The following HNRNPUL2 variants were observed in gnomAD, a reference collection of about 807,000 sequenced individuals.
The protein encoded by HNRNPUL2 is heterogeneous nuclear ribonucleoprotein U like 2.
Under a neutral mutation model 102.2 loss-of-function variants are expected in HNRNPUL2, and 27 were observed. The observed-to-expected ratio is 0.26, with a 90% confidence interval of 0.19 to 0.36. The LOEUF (loss-of-function observed/expected upper bound fraction) is 0.36, where lower values mean the gene tolerates loss of function less well. Ranked by LOEUF, HNRNPUL2 falls within the 10% of genes least tolerant of loss-of-function variation. HNRNPUL2 has a pLI of 1.00. For missense variants in HNRNPUL2, 936 were observed against 981.1 expected, an observed-to-expected ratio of 0.95 and a Z score of 0.61; for synonymous variants, 458 against 387.2, an observed-to-expected ratio of 1.18 and a Z score of -2.15.
Position 62,726,707 on chromosome 11 carries a change from G to C in HNRNPUL2, c.450C>G (p.Gly150=). Residue 150 remains glycine, a synonymous_variant, in exon 1 of 14, where the codon GGC becomes GGG. Coordinates refer to ENST00000301785, the MANE Select transcript of HNRNPUL2 (RefSeq NM_001079559.3). Reference sequence around the variant, plus strand: ...CCTCGGGTTCGTCTTCCTCCCTCTTGCCGAGGCCCTGCTCTTCGCCACCAT... The same window carrying C: ...CCTCGGGTTCGTCTTCCTCCCTCTTCCCGAGGCCCTGCTCTTCGCCACCAT... ...GVNGGEEQGL[G]KREEDEPEER... 1 of 1,600,468 alleles carries C rather than the reference G, an allele frequency of 6.2e-7. No individual in the cohort carries two copies. The highest frequency in any genetic ancestry group is 8.5e-7 in the Non-Finnish European group (1 of 1,179,508).
Position 62,722,256 on chromosome 11 carries a change from T to C in HNRNPUL2, c.1220A>G (p.Asn407Ser). 6.2e-7 allele frequency: 1 copy of C among 1,614,078 alleles called. No homozygotes were observed. Among genetic ancestry groups the C allele is most frequent in the Non-Finnish European group, 8.5e-7 (1 of 1,180,022 alleles). The change falls in exon 7 of 14, where the codon AAT (asparagine) becomes AGT (serine). Residue 407 changes from asparagine (N) to serine (S), a missense_variant. By Grantham distance (46) the Asn-to-Ser change is conservative (BLOSUM62 1). Transcript: ENST00000301785. ...ACCGAAGTTTAATTCTACAACACAA[T>C]TTTTGCAGAGGACATGGGGTAGAAG... is the stretch of plus-strand genomic sequence containing the variant. ...RALLPHVLCK[N>S]CVVELNFGQK...
intron 7 of HNRNPUL2, 27 bp downstream of exon 7, chr11:62,722,090 T>G: frequency 6.2e-7 from 1 of 1,608,562 alleles, no homozygotes; most frequent in Non-Finnish European, 8.5e-7. Flanking sequence ...GCATACAACC[T>G]CAGTGTTCGT....
intron 7 of HNRNPUL2, 26 bp from the exon 8 acceptor site, chr11:62,721,968 A>G: frequency 6.2e-7 from 1 of 1,612,088 alleles, no homozygotes; most frequent in Non-Finnish European, 8.5e-7. Context: ...CCAGAAATAT[A>G]ATGAAAAATA....
chr11:62,726,482 G>A, intron 1 of HNRNPUL2, 137 bp downstream of exon 1: 1 of 865,874 alleles, frequency 1.2e-6, no homozygotes, highest in Non-Finnish European at 1.7e-6. Flanking sequence ...AAGGTGGGTA[G>A]AGAATGAAAG....
At chr11:62,725,684 G>A (rs1057012460) in intron 1 of HNRNPUL2, among the ~76,000 whole-genome samples, 6 of 152,116 alleles carry the variant, frequency 3.9e-5, no homozygotes, top group Non-Finnish European at 8.8e-5. Flanking sequence ...AAAGAACTGA[G>A]GCCACCCACT....
intron 6 of HNRNPUL2, 55 bp downstream of exon 6, chr11:62,722,546 C>G: frequency 2.0e-6 from 3 of 1,474,952 alleles, no homozygotes. Flanking sequence ...CAAGTGAATT[C>G]CCAGTGCCCT....
In HNRNPUL2 at chr11:62,727,024, C is replaced by G. The variant is rs2083759290; in HGVS notation, c.133G>C (p.Glu45Gln). Residue 45 changes from glutamate to glutamine, a missense_variant, in exon 1 of 14, where the codon GAG (glutamate) becomes CAG (glutamine). Around this residue, in one of 2 missense-constraint regions of HNRNPUL2, gnomAD observed 327 missense variants for 268.1 expected, o/e 1.22. Transcript: ENST00000301785. ...GGCCCGGCCCCGCCGCCGCCGGCCT[C>G]GTCCTCGAGCATCTCGGCGTCCAGC... ...EALDAEMLED[E>Q]AGGGGAGPGG... 2 of 1,388,716 alleles carry G rather than the reference C, an allele frequency of 1.4e-6. No homozygotes were observed. The highest frequency in any genetic ancestry group is 1.9e-6 in the Non-Finnish European group (2 of 1,070,498). 86.0% of individuals were successfully genotyped at this position (1,388,716 alleles called of 1,614,324 possible).
rs1354108347 is a variant in HNRNPUL2, at chr11:62,717,043, G to A, written c.1927C>T (p.Arg643Ter). The A allele has an allele frequency of 1.2e-6, 2 of 1,613,790 alleles. No homozygotes were observed. Among genetic ancestry groups the A allele is most frequent in the Non-Finnish European group, 8.5e-7 (1 of 1,180,012 alleles). Residue 643 changes from arginine to a stop codon, truncating the protein, a stop_gained, in exon 11 of 14, where the codon CGA becomes TGA. Coordinates refer to ENST00000301785, the MANE Select transcript of HNRNPUL2 (RefSeq NM_001079559.3). LOFTEE classifies it high-confidence loss of function. ...LPPSEKRTNR[R>*]NNRNKRNRQN... ...CGGTTACGCTTGTTTCGGTTGTTTC[G>A]GCGATTTGTCCGCTTCTCGGAGGGG...
chr11:62,723,574 C>A lies in HNRNPUL2; in HGVS notation c.891+13G>T. On this transcript the variant is annotated intron_variant, in intron 4 of 13. Coordinates refer to ENST00000301785, the MANE Select transcript of HNRNPUL2 (RefSeq NM_001079559.3). ...ATAAATGAATGAATGAATGAATGGT[C>A]TTAATGAGCTACCTTTGCCTCAAAG... is the stretch of plus-strand genomic sequence containing the variant. The A allele has an allele frequency of 6.3e-7, 1 of 1,589,234 alleles. No homozygotes were observed. Among genetic ancestry groups the A allele is most frequent in the South Asian group, 1.1e-5 (1 of 88,332 alleles).
intron 11 of HNRNPUL2, among the ~76,000 whole-genome samples, chr11:62,716,390 G>A (rs1465285376): frequency 6.6e-6 from 1 of 152,142 alleles, no homozygotes; most frequent in Admixed American, 6.5e-5. Flanking sequence ...GCACATAGCA[G>A]GCACTCGGAA....
chr11:62,721,683 TA>T, intron 8 of HNRNPUL2, 136 bp downstream of exon 8: 2 of 1,125,806 alleles, frequency 1.8e-6, no homozygotes, highest in Non-Finnish European at 1.3e-6. Flanking sequence ...TCAATCCACC[TA>T]AAACGCATAG....
chr11:62,722,418 G>A (rs772735764), intron 6 of HNRNPUL2, 38 bp from the exon 7 acceptor site: 23 of 1,601,368 alleles, frequency 1.4e-5, no homozygotes, highest in South Asian at 1.1e-4. Flanking sequence ...ATTGGCTGAC[G>A]AGGCTTTGGG....
intron 2 of HNRNPUL2, 78 bp from the exon 3 acceptor site, chr11:62,724,068 G>T: frequency 7.7e-7 from 1 of 1,295,422 alleles, no homozygotes; most frequent in Non-Finnish European, 1.1e-6. Context: ...ATGACATTAT[G>T]TCCATTTTAA....
Position 62,727,353 on chromosome 11 carries a change from C to T in HNRNPUL2, c.-197G>A. On this transcript the variant is annotated 5_prime_UTR_variant, in exon 1 of 14. Transcript: ENST00000301785. ...GCAGTGTTTGCTTCTCCTTCGTCTC[C>T]CCTCCCCCTTTCGGCTCACGGAGCC... 3 of 615,824 alleles carry T rather than the reference C, an allele frequency of 4.9e-6. No homozygotes were observed. Among genetic ancestry groups the T allele is most frequent in the Non-Finnish European group, 6.8e-6 (3 of 438,238 alleles). 38.1% of individuals were successfully genotyped at this position (615,824 alleles called of 1,614,324 possible).
At chr11:62,722,564 C>G (rs776207069) in intron 6 of HNRNPUL2, 37 bp downstream of exon 6, 3 of 1,549,784 alleles carry the variant, frequency 1.9e-6, no homozygotes, top group South Asian at 1.1e-5. Flanking sequence ...CCTCTATCCG[C>G]TCCTTGTTAT....
Position 62,722,102 on chromosome 11 carries a change from T to C in HNRNPUL2, c.1359+15A>G. 1 of 1,611,950 alleles carries C rather than the reference T, an allele frequency of 6.2e-7. No homozygotes were observed. The highest frequency in any genetic ancestry group is 2.2e-5 in the East Asian group (1 of 44,858). The stretch of plus-strand genomic sequence containing the variant: ...AAAGCATACAACCTCAGTGTTCGTA[T>C]ACTGTTTGGCATACCTCACATTCCT... On this transcript the variant is annotated intron_variant, in intron 7 of 13. Transcript: ENST00000301785.
In HNRNPUL2 at chr11:62,727,170, TCCTCCGCCTCCCGCCG is replaced by T; in HGVS notation, c.-30_-15del. On this transcript the variant is annotated 5_prime_UTR_variant, in exon 1 of 14. Coordinates refer to ENST00000301785, the MANE Select transcript of HNRNPUL2 (RefSeq NM_001079559.3). ...CTTCACCTCCATCGCCGCCGCCGCCTCCTCCGCCTCCCGCCGCCTCCTCCCCTGCGAACCGTCGACC... is the reference window on the plus strand; with the variant it reads ...CTTCACCTCCATCGCCGCCGCCGCCTCCTCCTCCCCTGCGAACCGTCGACC... 1 of 1,411,012 alleles carries T rather than the reference TCCTCCGCCTCCCGCCG, an allele frequency of 7.1e-7. No individual in the cohort carries two copies. 87.4% of individuals were successfully genotyped at this position (1,411,012 alleles called of 1,614,324 possible).
intron 2 of HNRNPUL2, 121 bp downstream of exon 2, chr11:62,724,170 T>C: frequency 7.4e-7 from 1 of 1,344,440 alleles, no homozygotes; most frequent in Non-Finnish European, 1.0e-6. Context: ...AATCTAAAAC[T>C]CATGCCTATA....
intron 9 of HNRNPUL2, 40 bp downstream of exon 9, chr11:62,721,255 C>T (rs2083700457): frequency 1.3e-6 from 2 of 1,568,394 alleles, no homozygotes; most frequent in African/African-American, 1.4e-5. Flanking sequence ...TTTATATACA[C>T]ATCCCACCTT....
Sources: allele counts gnomAD v4.1 joint callset (sites outside exome capture counted in the v4.1 genomes callset), GRCh38; gene constraint gnomAD v4.1.1; regional missense constraint gnomAD v4.1.1; transcripts MANE v1.5; gene names NCBI Gene and HGNC (gene_info 2026-07-23, HGNC 2026-07-21).